Variants in OSMR observed in about 807,000 individuals in gnomAD.
The protein encoded by OSMR is oncostatin-M-specific receptor subunit beta.
Under a neutral mutation model 99.9 loss-of-function variants are expected in OSMR, and 81 were observed. That is an observed-to-expected ratio of 0.81 (90% CI 0.68 to 0.97). The LOEUF is 0.97. Among genes scored for constraint, OSMR ranks in the 50% least tolerant of loss-of-function variants. The pLI is 0.00. For missense variants in OSMR, 1,099 were observed against 1,153.4 expected (o/e 0.95, Z 0.68); for synonymous variants, 406 against 410.4 (o/e 0.99, Z 0.13).
chr5:38,912,869 CTA>C (rs895821157), intron 9 of OSMR, among the ~76,000 whole-genome samples: 6 of 152,096 alleles, frequency 3.9e-5, no homozygotes, highest in Admixed American at 1.3e-4. Flanking sequence ...AGCTGGCTAG[CTA>C]TGTGTGGAAG....
At chr5:38,936,748 AAGAG>A (rs781647400), downstream of OSMR, among the ~76,000 whole-genome samples, 4 of 152,224 alleles carry the variant, frequency 2.6e-5, no homozygotes, top group Non-Finnish European at 4.4e-5. Flanking sequence ...AAAACTCTGG[AAGAG>A]AGAAAGTAGA....
chr5:38,846,098 C>T lies in OSMR; in HGVS notation c.-303C>T. ...GCCCCACGCGCCGCCGAGGACTCGG[C>T]CCGGCTCGTGGAGCCCTTCGCCCGC... On this transcript the variant is annotated 5_prime_UTR_variant, in exon 1 of 18. Transcript: ENST00000274276. The T allele has an allele frequency of 6.6e-6, 1 of 152,476 alleles. No homozygotes were observed. The highest frequency in any genetic ancestry group is 1.5e-5 in the Non-Finnish European group (1 of 68,236). The allele number at this position is 152,476 out of a possible 1,614,324, so 9.4% of individuals were successfully genotyped here. A position where few individuals can be genotyped will look rare whatever the true frequency, so the allele number is the denominator to read the frequency against.
chr5:38,897,374 C>G (rs1191598447), intron 7 of OSMR, among the ~76,000 whole-genome samples: 1 of 151,852 alleles, frequency 6.6e-6, no homozygotes, highest in Non-Finnish European at 1.5e-5. Flanking sequence ...GTTCAATATT[C>G]TTAGATTTAT....
intron 10 of OSMR, among the ~76,000 whole-genome samples, chr5:38,918,507 T>C (rs1295379981): frequency 6.6e-6 from 1 of 152,148 alleles, no homozygotes; most frequent in Non-Finnish European, 1.5e-5. Context: ...TTTGTACTCA[T>C]TGCTTTTCTG....
chr5:38,885,053 C>A, intron 5 of OSMR: 1 of 294,274 alleles, frequency 3.4e-6, no homozygotes, highest in Non-Finnish European at 5.0e-6. Flanking sequence ...GAAACATTGG[C>A]AGGCACTGGG....
chr5:38,854,937 A>T (rs1248543314), intron 1 of OSMR, among the ~76,000 whole-genome samples: 3 of 152,256 alleles, frequency 2.0e-5, no homozygotes, highest in African/African-American at 7.2e-5. Context: ...AGTTGGAAGT[A>T]GCAGTGCTCC....
At chr5:38,861,412 A>G (rs1239346) in intron 1 of OSMR, among the ~76,000 whole-genome samples, 70,038 of 151,964 alleles carry the variant, frequency 0.46, 16,471 homozygotes, top group South Asian at 0.59. Context: ...GACACAGCAC[A>G]TGTTTCAGAG....
At chr5:38,855,953 C>T in intron 1 of OSMR, among the ~76,000 whole-genome samples, 1 of 152,168 alleles carries the variant, frequency 6.6e-6, no homozygotes, top group East Asian at 1.9e-4. Flanking sequence ...CTCTCACCAG[C>T]TTGCTTGTTC....
chr5:38,905,918 TAA>T (rs1424211422), intron 9 of OSMR, among the ~76,000 whole-genome samples: 1 of 152,200 alleles, frequency 6.6e-6, no homozygotes, highest in Non-Finnish European at 1.5e-5. Flanking sequence ...GCAGTGACTC[TAA>T]TTTGGGGGTA....
At chr5:38,847,672 CAGTT>C (rs10559353) in intron 1 of OSMR, among the ~76,000 whole-genome samples, 29,794 of 151,960 alleles carry the variant, frequency 0.2, 2,992 homozygotes, top group African/African-American at 0.24. Flanking sequence ...AGGAAATACT[CAGTT>C]TGTTTTCCCC....
chr5:38,895,890 C>A (rs914446711), intron 7 of OSMR, among the ~76,000 whole-genome samples: 2 of 151,968 alleles, frequency 1.3e-5, no homozygotes, highest in African/African-American at 4.8e-5. Flanking sequence ...TTTCCCAGCA[C>A]TATTTATTGA....
At chr5:38,884,506 T>C (rs1250400020) in intron 5 of OSMR, among the ~76,000 whole-genome samples, 1 of 152,184 alleles carries the variant, frequency 6.6e-6, no homozygotes, top group East Asian at 1.9e-4. Flanking sequence ...GTTTGAATCT[T>C]CTTTCCCTGG....
At chr5:38,848,397 T>A (rs910820908) in intron 1 of OSMR, among the ~76,000 whole-genome samples, 1 of 152,236 alleles carries the variant, frequency 6.6e-6, no homozygotes, top group Non-Finnish European at 1.5e-5. Context: ...GGTGGCTTCA[T>A]AGCCTTCCTT....
In OSMR at chr5:38,863,880, T is replaced by C. The variant is rs566370628; in HGVS notation, c.-13-5152T>C. Among the ~76,000 whole-genome samples the C allele has an allele frequency of 2.6e-5, 4 of 152,256 alleles. No homozygotes were observed. In the South Asian group the frequency reaches 6.2e-4, roughly 24 times the overall value. ...ACATATATTTGGTATTTTTTAGATC[T>C]TCTTGCTGAATTGAGCCCTTTATTA... On this transcript the variant is annotated intron_variant, in intron 1 of 17. Coordinates refer to ENST00000274276, the MANE Select transcript of OSMR (RefSeq NM_003999.3).
chr5:38,861,477 T>C (rs962525917), intron 1 of OSMR, among the ~76,000 whole-genome samples: 3 of 152,208 alleles, frequency 2.0e-5, no homozygotes, highest in Admixed American at 6.5e-5. Flanking sequence ...GCAGAATTTT[T>C]CTTAGTACAG....
rs58159819 is a variant in OSMR at position 38,898,950 on chromosome 5, C to CTTTTTTTTT, written c.992-4916_992-4908dup. ...TTTGTTGTTTCTATTTACATAATAT[C>CTTTTTTTTT]TTTTTTTTTTTTTTTTTTTTTTTTG... On this transcript the variant is annotated intron_variant, in intron 7 of 17. Coordinates refer to ENST00000274276, the MANE Select transcript of OSMR (RefSeq NM_003999.3). Among the ~76,000 whole-genome samples, 50 of 78,288 alleles carry CTTTTTTTTT rather than the reference C, an allele frequency of 6.4e-4. 2 individuals carry two copies. The highest frequency in any genetic ancestry group is 1.5e-3 in the African/African-American group (24 of 15,980). 51.4% of individuals were successfully genotyped at this position (78,288 alleles called of 152,430 possible).
At chr5:38,880,127 G>A (rs562599606) in intron 3 of OSMR, among the ~76,000 whole-genome samples, 1 of 152,320 alleles carries the variant, frequency 6.6e-6, no homozygotes, top group Non-Finnish European at 1.5e-5. Flanking sequence ...GGACCAGGAT[G>A]TTTTCAGCCC....
intron 7 of OSMR, among the ~76,000 whole-genome samples, chr5:38,893,175 C>A (rs1320634370): frequency 1.3e-5 from 2 of 152,230 alleles, no homozygotes; most frequent in Admixed American, 6.5e-5. Flanking sequence ...CCAAGCCATG[C>A]AGCTCCAAAT....
rs762895411 is a variant in OSMR, at chr5:38,921,809, C to G, written c.1765+15C>G. On this transcript the variant is annotated intron_variant, in intron 12 of 17. Coordinates refer to ENST00000274276, the MANE Select transcript of OSMR (RefSeq NM_003999.3). ...CATTAGCACAGGTAAGAAGAAGCTT[C>G]CATATCATCGCATTGCTATATTCAC... The G allele has an allele frequency of 7.5e-6, 12 of 1,598,166 alleles. No individual in the cohort carries two copies. The highest frequency in any genetic ancestry group is 9.4e-6 in the Non-Finnish European group (11 of 1,165,494).
Sources: allele counts gnomAD v4.1 joint callset (sites outside exome capture counted in the v4.1 genomes callset), GRCh38; gene constraint gnomAD v4.1.1; transcripts MANE v1.5; gene names NCBI Gene and HGNC (gene_info 2026-07-23, HGNC 2026-07-21).